The following GGTA1 variants were observed in gnomAD, a reference collection of about 807,000 sequenced individuals.
GGTA1 encodes inactive N-acetyllactosaminide alpha-1,3-galactosyltransferase.
A neutral mutation model predicts 2.6 loss-of-function variants in GGTA1; 5 were observed. The observed-to-expected ratio is 1.92, with a 90% CI of 1.00 to 4.04. The LOEUF is 4.04. Among genes scored for constraint, GGTA1 ranks in the 30% most tolerant of loss-of-function variants. GGTA1 has a pLI of 0.00. For missense variants in GGTA1, 50 were observed against 16.7 expected (o/e 2.99, Z -3.47); for synonymous variants, 17 against 5.0 (o/e 3.38, Z -3.19).
chr9:121,464,989 A>AAAAAAG, intron 2 of GGTA1, among the ~76,000 whole-genome samples: 1 of 131,964 alleles, frequency 7.6e-6, no homozygotes, highest in Non-Finnish European at 1.7e-5. Context: ...GTAAAGTGGC[A>AAAAAAG]AAAAAACAAA....
intron 1 of GGTA1, among the ~76,000 whole-genome samples, chr9:121,492,933 C>T (rs1306429002): frequency 6.6e-6 from 1 of 151,772 alleles, no homozygotes; most frequent in East Asian, 2.0e-4. Flanking sequence ...CACTTGAGGT[C>T]ACGAGTTTGA....
At chr9:121,465,924 C>CT (rs1554836829) in intron 2 of GGTA1, among the ~76,000 whole-genome samples, 2 of 151,286 alleles carry the variant, frequency 1.3e-5, no homozygotes, top group African/African-American at 4.9e-5. Context: ...CCTCCCCCAA[C>CT]TTTTTTTTTG....
intron 1 of GGTA1, among the ~76,000 whole-genome samples, chr9:121,486,093 G>A (rs1828748853): frequency 6.6e-6 from 1 of 152,192 alleles, no homozygotes; most frequent in African/African-American, 2.4e-5. Context: ...TTCCAGTAAG[G>A]AAGGCTCTGC....
At chr9:121,445,595 A>C (rs908798185) in exon 8 of GGTA1, 4 of 152,176 alleles carry the variant, frequency 2.6e-5, no homozygotes, top group African/African-American at 9.7e-5. Flanking sequence ...AACTTTAAAT[A>C]ATATGTAGGA....
chr9:121,469,858 G>A (rs1828350854), intron 1 of GGTA1, among the ~76,000 whole-genome samples: 1 of 152,172 alleles, frequency 6.6e-6, no homozygotes. Context: ...ATCAGGGCCA[G>A]GTACGGGACA....
At chr9:121,462,332 T>TAA (rs56237638) in intron 3 of GGTA1, among the ~76,000 whole-genome samples, 290 of 150,482 alleles carry the variant, frequency 1.9e-3, no homozygotes, top group African/African-American at 6.7e-3. Flanking sequence ...CTCAGAAAAT[T>TAA]AAAAAAAAAT....
intron 1 of GGTA1, chr9:121,479,156 C>T (rs989375009): frequency 1.8e-5 from 8 of 455,664 alleles, no homozygotes; most frequent in African/African-American, 8.0e-5. Context: ...AGGGGGCCAC[C>T]GAGAGTTTAG....
chr9:121,497,781 G>T (rs1829024034), intron 1 of GGTA1, among the ~76,000 whole-genome samples: 2 of 152,154 alleles, frequency 1.3e-5, no homozygotes, highest in South Asian at 4.1e-4. Flanking sequence ...CCCACTAAAG[G>T]TCTGGAAGTG....
intron 1 of GGTA1, among the ~76,000 whole-genome samples, chr9:121,469,075 T>C (rs1283681441): frequency 6.6e-6 from 1 of 152,098 alleles, no homozygotes; most frequent in Non-Finnish European, 1.5e-5. Context: ...AAAAAAATGG[T>C]ACACAGCAGG....
chr9:121,450,555 T>C (rs1445679519), downstream of GGTA1, among the ~76,000 whole-genome samples: 1 of 152,170 alleles, frequency 6.6e-6, no homozygotes. Flanking sequence ...GGATGTGCAA[T>C]TTACAGTTTA....
chr9:121,445,741 C>T (rs945222146), exon 8 of GGTA1: 6 of 152,294 alleles, frequency 3.9e-5, no homozygotes, highest in Admixed American at 3.3e-4. Flanking sequence ...AATTATTACA[C>T]TTCTATAGTG....
At chr9:121,484,359 G>A (rs1175691286) in intron 1 of GGTA1, among the ~76,000 whole-genome samples, 1 of 152,012 alleles carries the variant, frequency 6.6e-6, no homozygotes, top group Non-Finnish European at 1.5e-5. Flanking sequence ...TTCTACCTCT[G>A]CATTTTTCTT....
At chr9:121,453,709 A>G (rs1312980489), downstream of GGTA1, among the ~76,000 whole-genome samples, 2 of 152,168 alleles carry the variant, frequency 1.3e-5, no homozygotes, top group African/African-American at 4.8e-5. Context: ...GGTCCTGGTG[A>G]GGCTGTCAAG....
chr9:121,473,121 AC>A (rs1589332936), intron 1 of GGTA1, among the ~76,000 whole-genome samples: 1 of 152,084 alleles, frequency 6.6e-6, no homozygotes, highest in Non-Finnish European at 1.5e-5. Context: ...GGAGTTCGAG[AC>A]CAGCCTGGCC....
chr9:121,472,421 C>G (rs992451669), intron 1 of GGTA1, among the ~76,000 whole-genome samples: 11 of 151,994 alleles, frequency 7.2e-5, no homozygotes, highest in African/African-American at 2.7e-4. Flanking sequence ...AAAAAAAGTC[C>G]ACTAGTTCTT....
intron 5 of GGTA1, among the ~76,000 whole-genome samples, chr9:121,456,051 G>T (rs746245863): frequency 6.6e-6 from 1 of 151,978 alleles, no homozygotes; most frequent in African/African-American, 2.4e-5. Flanking sequence ...TGGATGAACC[G>T]CTGCATCAAG....
chr9:121,490,530 C>A (rs1357225835), intron 1 of GGTA1, among the ~76,000 whole-genome samples: 2 of 152,164 alleles, frequency 1.3e-5, no homozygotes, highest in Non-Finnish European at 2.9e-5. Flanking sequence ...ACCCCTCACT[C>A]ACCACCAGAG....
chr9:121,493,440 A>C (rs1274283716), intron 1 of GGTA1, among the ~76,000 whole-genome samples: 1 of 152,122 alleles, frequency 6.6e-6, no homozygotes, highest in Non-Finnish European at 1.5e-5. Context: ...TCTAAGCCTC[A>C]GTTTCCCCAC....
chr9:121,454,518 A>G (rs766766751), downstream of GGTA1, among the ~76,000 whole-genome samples: 69 of 152,220 alleles, frequency 4.5e-4, no homozygotes, highest in Non-Finnish European at 7.3e-4. Flanking sequence ...AAACTAGCAC[A>G]GATAAGTCAA....
Sources: gnomAD v4.1 joint callset for allele counts (sites outside exome capture counted in the v4.1 genomes callset) on GRCh38, gnomAD v4.1.1 for gene constraint, MANE v1.5 for transcripts, NCBI Gene and HGNC (gene_info 2026-07-23, HGNC 2026-07-21) for gene names.